The following SYNJ2 variants were observed in gnomAD, a reference collection of about 807,000 sequenced individuals.
SYNJ2 encodes the protein polyphosphatidylinositol phosphatase SYNJ2.
SYNJ2 carries 116 observed loss-of-function variants against 141.3 expected under a neutral mutation model. The observed-to-expected ratio is 0.82, with a 90% CI of 0.71 to 0.96. The LOEUF is 0.96. SYNJ2 is among the 40% of genes least tolerant of loss of function. SYNJ2 has a pLI of 0.00. For synonymous variants in SYNJ2, 745 were observed against 777.7 expected, an observed-to-expected ratio of 0.96 and a Z score of 0.70; for missense variants, 1,873 against 1,934.8, an observed-to-expected ratio of 0.97 and a Z score of 0.60.
rs1489967746 is a variant in SYNJ2 at position 157,981,899 on chromosome 6, C to G, written c.-63C>G. ...AAGTTGCGGGCGCGCGGGGAGCTGT[C>G]GCGGGCAGCGCGCCCTCGGGAGGAC... is the stretch of plus-strand genomic sequence containing the variant. On this transcript the variant is annotated 5_prime_UTR_variant, in exon 1 of 27. Coordinates refer to ENST00000355585, the MANE Select transcript of SYNJ2 (RefSeq NM_003898.4). This position sits in a 1 kb window ranked among gnomAD's most constrained non-coding sequence, Gnocchi z 6.4. The G allele has an allele frequency of 6.6e-6, 8 of 1,208,290 alleles. No individual in the cohort carries two copies. Among genetic ancestry groups the G allele is most frequent in the Non-Finnish European group, 7.2e-6 (7 of 969,230 alleles). 74.8% of individuals were successfully genotyped at this position (1,208,290 alleles called of 1,614,324 possible). A position where few individuals can be genotyped will look rare whatever the true frequency, so the allele number is the denominator to read the frequency against.
rs764783279 is a variant in SYNJ2, at chr6:158,084,461, C to T, written c.3208+287C>T. ...TTTCCTCTGGATATTCAAATGGCCA[C>T]GGTTCTGAACTGGTTTTATATTTGT... On this transcript the variant is annotated intron_variant, in intron 22 of 26. Transcript: ENST00000355585. This position sits in a 1 kb window ranked among gnomAD's most constrained non-coding sequence, Gnocchi z 5.0. Among the ~76,000 whole-genome samples the T allele has an allele frequency of 4.6e-5, 7 of 152,092 alleles. No individual in the cohort carries two copies. The highest frequency in any genetic ancestry group is 1.0e-4 in the Non-Finnish European group (7 of 68,028).
intron 23 of SYNJ2, 25 bp downstream of exon 23, chr6:158,087,014 C>T (rs1281977086): frequency 6.5e-7 from 1 of 1,550,246 alleles, no homozygotes; most frequent in East Asian, 2.4e-5. Flanking sequence ...GCTTTCAGCT[C>T]CCTGGATGCC....
chr6:157,990,186 C>T (rs1777368065), intron 1 of SYNJ2, among the ~76,000 whole-genome samples: 4 of 151,868 alleles, frequency 2.6e-5, no homozygotes, highest in Admixed American at 2.6e-4. Flanking sequence ...GTGCCCCAGG[C>T]CCAGGCCGCA....
intron 17 of SYNJ2, 71 bp from the exon 18 acceptor site, chr6:158,078,093 G>A: frequency 2.0e-6 from 2 of 981,488 alleles, no homozygotes; most frequent in Non-Finnish European, 3.2e-6. Context: ...TATTGTGGAA[G>A]TGTCATGATC....
rs1779898766 is a variant in SYNJ2 at position 158,040,705 on chromosome 6, A to T, written c.712-2611A>T. On this transcript the variant is annotated intron_variant, in intron 4 of 26. Transcript: ENST00000355585. This position sits in a 1 kb window ranked among gnomAD's most constrained non-coding sequence, Gnocchi z 4.2. The stretch of plus-strand genomic sequence containing the variant: ...GGTCAGCAGAAAGCCTTTCAGATAG[A>T]AGGTATATGTACCCCTGTGAGTTTT... Among the ~76,000 whole-genome samples the T allele has an allele frequency of 6.6e-6, 1 of 152,218 alleles. No individual in the cohort carries two copies. Among genetic ancestry groups the T allele is most frequent in the South Asian group, 2.1e-4 (1 of 4,828 alleles).
intron 12 of SYNJ2, among the ~76,000 whole-genome samples, chr6:158,068,208 C>T (rs1750047): frequency 0.39 from 58,086 of 149,702 alleles, 11,383 homozygotes; most frequent in Admixed American, 0.47. Flanking sequence ...TTGTGGTCAA[C>T]AGAGAAGGAA....
In SYNJ2 at chr6:158,089,872, A is replaced by C. The variant is rs1485857719; in HGVS notation, c.3490A>C (p.Asn1164His). 2 of 1,613,938 alleles carry C rather than the reference A, an allele frequency of 1.2e-6. No individual in the cohort carries two copies. Among genetic ancestry groups the C allele is most frequent in the Admixed American group, 3.3e-5 (2 of 59,984 alleles). The change falls in exon 25 of 27, where the codon AAT (asparagine) becomes CAT (histidine). Residue 1164 changes from asparagine to histidine, a missense_variant. By Grantham distance (68) the Asn-to-His change is moderately conservative. Coordinates refer to ENST00000355585, the MANE Select transcript of SYNJ2 (RefSeq NM_003898.4). ...TCGGACTGGAATAAGTAAACCTTATAATGTCAAGCAGATCAAAACCACCAA... is the reference window on the plus strand; with the variant it reads ...TCGGACTGGAATAAGTAAACCTTATCATGTCAAGCAGATCAAAACCACCAA... ...KARTGISKPYNVKQIKTTNAQ... is the reference protein window; with the variant it reads ...KARTGISKPYHVKQIKTTNAQ...
rs1475212555 is a variant in SYNJ2 at position 158,059,259 on chromosome 6, A to G, written c.860A>G (p.His287Arg). 4 of 1,548,798 alleles carry G rather than the reference A, an allele frequency of 2.6e-6. No homozygotes were observed. The highest frequency in any genetic ancestry group is 3.5e-6 in the Non-Finnish European group (4 of 1,146,420). ...LEANAPAFDR[H>R]MVLLKEQYGQ... is the part of the protein sequence containing the mutation. ...CGCCCACCCCGCTGCCTTTGCAGGC[A>G]CATGGTGCTTCTGAAGGAGCAGTAC... is the stretch of plus-strand genomic sequence containing the variant. Residue 287 changes from histidine (H) to arginine (R), a missense_variant and splice_region_variant, in exon 7 of 27, where the codon CAC (histidine) becomes CGC (arginine). By Grantham distance (29) the His-to-Arg change is conservative. Coordinates refer to ENST00000355585, the MANE Select transcript of SYNJ2 (RefSeq NM_003898.4).
At chr6:157,991,217 C>T (rs1036387980) in intron 1 of SYNJ2, among the ~76,000 whole-genome samples, 1 of 152,162 alleles carries the variant, frequency 6.6e-6, no homozygotes, top group Admixed American at 6.5e-5. Context: ...GCGTTGTGAC[C>T]AGGTGAGGGA....
chr6:158,094,087 G>A, intron 26 of SYNJ2: 1 of 691,652 alleles, frequency 1.4e-6, no homozygotes, highest in Non-Finnish European at 2.6e-6. Context: ...CCCCTAGAGA[G>A]TGTGAGGGGG....
chr6:158,024,465 C>G (rs1472784507), intron 2 of SYNJ2, among the ~76,000 whole-genome samples: 1 of 152,154 alleles, frequency 6.6e-6, no homozygotes, highest in Non-Finnish European at 1.5e-5. Flanking sequence ...AAACCATCGC[C>G]TTGGGTGTTC....
Position 158,069,669 on chromosome 6 carries a change from A to G in SYNJ2, c.1936A>G (p.Ile646Val), listed in dbSNP as rs747280098. ...TGTACGTCCATACCATGTCCCGTTC[A>G]TCAGGTAAGAACATTCTGTTTACAC... ...IFVRPYHVPF[I>V]RDVAIDTVKT... Residue 646 changes from isoleucine (I) to valine (V), a missense_variant, in exon 14 of 27, where the codon ATC becomes GTC. Coordinates refer to ENST00000355585, the MANE Select transcript of SYNJ2 (RefSeq NM_003898.4). 7 of 1,612,092 alleles carry G rather than the reference A, an allele frequency of 4.3e-6. No individual in the cohort carries two copies. In the Admixed American group the frequency reaches 1.2e-4, roughly 27 times the overall value.
Position 158,043,132 on chromosome 6 carries a change from C to T in SYNJ2, c.712-184C>T, listed in dbSNP as rs1364339129. On this transcript the variant is annotated intron_variant, in intron 4 of 26. Transcript: ENST00000355585. The surrounding 1 kb of genome is among the most constrained non-coding windows in gnomAD (Gnocchi z 4.0). Reference sequence around the variant, plus strand: ...GAGGCTGGTCGACAGCCAGCATGCCCGCCCAGTACCTGGCGAGAGGTCAGG... The same window carrying T: ...GAGGCTGGTCGACAGCCAGCATGCCTGCCCAGTACCTGGCGAGAGGTCAGG... Among the ~76,000 whole-genome samples the T allele has an allele frequency of 3.9e-5, 6 of 152,178 alleles. No individual in the cohort carries two copies. Among genetic ancestry groups the T allele is most frequent in the Admixed American group, 2.6e-4 (4 of 15,282 alleles).
At position 158,084,149 on chromosome 6, in the gene SYNJ2, A is replaced by G. The variant is rs1323256624; in HGVS notation, c.3183A>G (p.Lys1061=). 4 of 1,613,916 alleles carry G rather than the reference A, an allele frequency of 2.5e-6. No individual in the cohort carries two copies. The highest frequency in any genetic ancestry group is 3.4e-6 in the Non-Finnish European group (4 of 1,179,992). ...CCAGCAAGTCACCTGCTCTCACCAAAAAGAAGCAGCATCCAACGTACAAAG... is the reference window on the plus strand; with the variant it reads ...CCAGCAAGTCACCTGCTCTCACCAAGAAGAAGCAGCATCCAACGTACAAAG... The part of the protein sequence containing the change: ...APPSKSPALT[K]KKQHPTYKDD... The change falls in exon 22 of 27, where the codon AAA becomes AAG. Residue 1061 remains lysine (K), a synonymous_variant. Transcript: ENST00000355585. This position sits in a 1 kb window ranked among gnomAD's most constrained non-coding sequence, Gnocchi z 5.0.
At position 158,043,434 on chromosome 6, in the gene SYNJ2, A is replaced by T; in HGVS notation, c.795+35A>T. ...GAAAAAACTTAAATGTCCCCTTGTG[A>T]TGTTGTCCGCCCTGCCCTTCCCTTC... On this transcript the variant is annotated intron_variant, in intron 5 of 26. Coordinates refer to ENST00000355585, the MANE Select transcript of SYNJ2 (RefSeq NM_003898.4). This position sits in a 1 kb window ranked among gnomAD's most constrained non-coding sequence, Gnocchi z 4.0. 6.6e-7 allele frequency: 1 copy of T among 1,509,828 alleles called. No individual in the cohort carries two copies. The allele number at this position is 1,509,828 out of a possible 1,614,324, so 93.5% of individuals were successfully genotyped here.
At chr6:158,049,924 G>A (rs1780471287) in intron 5 of SYNJ2, among the ~76,000 whole-genome samples, 1 of 152,088 alleles carries the variant, frequency 6.6e-6, no homozygotes, top group African/African-American at 2.4e-5. Context: ...GGCTCTGCAG[G>A]TATGCATGCA....
chr6:158,043,172 G>C lies in SYNJ2; in HGVS notation c.712-144G>C. 3.1e-6 allele frequency: 2 copies of C among 651,862 alleles called. No individual in the cohort carries two copies. Among genetic ancestry groups the C allele is most frequent in the Non-Finnish European group, 5.4e-6 (2 of 371,696 alleles). 40.4% of individuals were successfully genotyped at this position (651,862 alleles called of 1,614,324 possible). A position where few individuals can be genotyped will look rare whatever the true frequency, so the allele number is the denominator to read the frequency against. ...GAGAGGTCAGGGCGCATTGCCGGAT[G>C]GGGGAGCAGAGGACGCCGGAGTCCA... On this transcript the variant is annotated intron_variant, in intron 4 of 26. Coordinates refer to ENST00000355585, the MANE Select transcript of SYNJ2 (RefSeq NM_003898.4). This position sits in a 1 kb window ranked among gnomAD's most constrained non-coding sequence, Gnocchi z 4.0.
intron 1 of SYNJ2, among the ~76,000 whole-genome samples, chr6:158,015,942 A>G (rs1778436791): frequency 6.6e-6 from 1 of 152,234 alleles, no homozygotes; most frequent in South Asian, 2.1e-4. Flanking sequence ...TTGTACAACC[A>G]TCACCACCAC....
At chr6:158,083,306 TCAGGGCCAAA>T in intron 20 of SYNJ2, 113 bp from the exon 21 acceptor site, 1 of 1,238,320 alleles carries the variant, frequency 8.1e-7, no homozygotes, top group Admixed American at 2.5e-5. Context: ...CCTTGGTTTT[TCAGGGCCAAA>T]TGTGAAGATT....
Sources: allele counts gnomAD v4.1 joint callset (sites outside exome capture counted in the v4.1 genomes callset), GRCh38; gene constraint gnomAD v4.1.1; non-coding constraint Gnocchi (gnomAD v3.1); transcripts MANE v1.5; gene names NCBI Gene and HGNC (gene_info 2026-07-23, HGNC 2026-07-21).